The following FHL5 variants were observed in gnomAD, a reference collection of about 807,000 sequenced individuals.
The protein encoded by FHL5 is four and a half LIM domains 5.
FHL5 carries 33 observed loss-of-function variants against 32.0 expected under a neutral mutation model. That is an observed-to-expected ratio of 1.03 (90% CI 0.78 to 1.38). The LOEUF (loss-of-function observed/expected upper bound fraction) is 1.38. Among genes scored for constraint, FHL5 ranks in the 40% most tolerant of loss-of-function variants. The pLI, the probability that FHL5 is intolerant of heterozygous loss-of-function variation, is 0.00. For missense variants in FHL5, 336 were observed against 343.9 expected (o/e 0.98, Z 0.18); for synonymous variants, 114 against 113.6 (o/e 1.00, Z -0.02).
intron 1 of FHL5, among the ~76,000 whole-genome samples, chr6:96,594,073 C>G (rs538892152): frequency 8.6e-5 from 13 of 151,066 alleles, no homozygotes; most frequent in African/African-American, 3.2e-4. Context: ...CCATTGAATT[C>G]TCTATTACAA....
At position 96,568,390 on chromosome 6, in the gene FHL5, A is replaced by C. The variant is rs369270310; in HGVS notation, c.-13+5035A>C. On this transcript the variant is annotated intron_variant, in intron 1 of 5. Coordinates refer to ENST00000450218, the MANE Select transcript of FHL5 (RefSeq NM_001322466.2). ...TATTTTGTTGAGGATTTTTGCATCT[A>C]TGCTCATCATGTTCATTGGCTTATA... 1.3e-4 allele frequency among the ~76,000 whole-genome samples: 20 copies of C among 151,976 alleles called. No homozygotes were observed. In the South Asian group the frequency reaches 2.5e-3, roughly 19 times the overall value.
chr6:96,564,871 TC>T (rs1770318978), intron 1 of FHL5, among the ~76,000 whole-genome samples: 1 of 152,056 alleles, frequency 6.6e-6, no homozygotes, highest in Non-Finnish European at 1.5e-5. Context: ...CCCTGAAAGC[TC>T]ATTGAAGGAG....
intron 1 of FHL5, among the ~76,000 whole-genome samples, chr6:96,588,881 T>TAA (rs3884105): frequency 0.013 from 1,976 of 150,926 alleles, 41 homozygotes; most frequent in African/African-American, 0.043. Context: ...GCAATTCTTT[T>TAA]AAAAAAAAAG....
At chr6:96,582,804 ATTGT>A (rs532977568) in intron 1 of FHL5, among the ~76,000 whole-genome samples, 194 of 152,224 alleles carry the variant, frequency 1.3e-3, no homozygotes, top group African/African-American at 4.3e-3. Flanking sequence ...TATTTTTAAG[ATTGT>A]TTGTTGAGTT....
At chr6:96,571,037 T>A (rs1296800291) in intron 1 of FHL5, among the ~76,000 whole-genome samples, 1 of 152,232 alleles carries the variant, frequency 6.6e-6, no homozygotes, top group Non-Finnish European at 1.5e-5. Flanking sequence ...ATTATATTCC[T>A]TTGTTGGTCT....
chr6:96,587,982 G>T (rs1770832988), intron 1 of FHL5, among the ~76,000 whole-genome samples: 1 of 152,152 alleles, frequency 6.6e-6, no homozygotes, highest in African/African-American at 2.4e-5. Context: ...TCCCTTGATG[G>T]ACATTCAGAC....
At chr6:96,576,364 G>C (rs1046963540) in intron 1 of FHL5, among the ~76,000 whole-genome samples, 2 of 152,188 alleles carry the variant, frequency 1.3e-5, no homozygotes, top group Non-Finnish European at 2.9e-5. Flanking sequence ...TGTTGATCAG[G>C]AAACACAATT....
chr6:96,612,414 A>G (rs1321909257), intron 5 of FHL5, among the ~76,000 whole-genome samples: 6 of 152,216 alleles, frequency 3.9e-5, no homozygotes, highest in Non-Finnish European at 8.8e-5. Flanking sequence ...ACAACTCAAA[A>G]TAAGTTTCAA....
At chr6:96,600,833 G>A (rs1186822137) in intron 1 of FHL5, among the ~76,000 whole-genome samples, 1 of 152,154 alleles carries the variant, frequency 6.6e-6, no homozygotes, top group African/African-American at 2.4e-5. Flanking sequence ...CGAGCTATAA[G>A]ATAATCCAGA....
intron 1 of FHL5, among the ~76,000 whole-genome samples, chr6:96,575,150 G>A (rs211159): frequency 0.49 from 74,856 of 151,990 alleles, 22,159 homozygotes; most frequent in African/African-American, 0.85. Context: ...TCCGGTTAAC[G>A]AAAGTTAATA....
Position 96,603,672 on chromosome 6 carries a change from A to G in FHL5, c.59A>G (p.Tyr20Cys). ...ACAGCATCACTTCTTGGGAAGAAAT[A>G]TGTACTAAAGGATGACAGTCCATAC... Reference protein sequence around the residue: ...YCTASLLGKKYVLKDDSPYCV... With the variant: ...YCTASLLGKKCVLKDDSPYCV... The change falls in exon 2 of 6, where the codon TAT becomes TGT. Residue 20 changes from tyrosine (Y) to cysteine (C), a missense_variant. Tyr to Cys is a radical substitution (Grantham distance 194). Transcript: ENST00000450218. The G allele has an allele frequency of 6.2e-7, 1 of 1,612,962 alleles. No individual in the cohort carries two copies.
chr6:96,599,354 C>T (rs1462148079), intron 1 of FHL5, among the ~76,000 whole-genome samples: 1 of 152,016 alleles, frequency 6.6e-6, no homozygotes, highest in Non-Finnish European at 1.5e-5. Flanking sequence ...CACCACCACA[C>T]CCAGCTAATT....
intron 1 of FHL5, among the ~76,000 whole-genome samples, chr6:96,601,111 G>A (rs1049066984): frequency 1.3e-5 from 2 of 152,144 alleles, no homozygotes; most frequent in Non-Finnish European, 2.9e-5. Flanking sequence ...CGAGGTGAGC[G>A]GATCTTGAGG....
intron 1 of FHL5, among the ~76,000 whole-genome samples, chr6:96,582,772 G>A (rs1770721101): frequency 6.6e-6 from 1 of 152,024 alleles, no homozygotes; most frequent in East Asian, 1.9e-4. Flanking sequence ...TTTGATTGAT[G>A]GCCTGAAGTT....
At chr6:96,575,000 A>G (rs757168395) in intron 1 of FHL5, among the ~76,000 whole-genome samples, 8 of 152,334 alleles carry the variant, frequency 5.3e-5, no homozygotes, top group Non-Finnish European at 8.8e-5. Flanking sequence ...AACACTTAAA[A>G]TAACAAGTAA....
chr6:96,574,834 A>C (rs1770552774), intron 1 of FHL5, among the ~76,000 whole-genome samples: 1 of 152,172 alleles, frequency 6.6e-6, no homozygotes, highest in Non-Finnish European at 1.5e-5. Context: ...CTTCACTTAT[A>C]ATATTCTTCA....
Position 96,610,566 on chromosome 6 carries a change from T to A in FHL5, c.505-6T>A. The A allele has an allele frequency of 1.2e-6, 2 of 1,611,642 alleles. No homozygotes were observed. Among genetic ancestry groups the A allele is most frequent in the Non-Finnish European group, 1.7e-6 (2 of 1,178,128 alleles). On this transcript the variant is annotated splice_region_variant and splice_polypyrimidine_tract_variant and intron_variant, in intron 4 of 5. Coordinates refer to ENST00000450218, the MANE Select transcript of FHL5 (RefSeq NM_001322466.2). Reference sequence around the variant, plus strand: ...TGGTCATTGCCTTTTCTGTGGTCTTTGGCAGGTGATAACTTCAGGTGGGAT... The same window carrying A: ...TGGTCATTGCCTTTTCTGTGGTCTTAGGCAGGTGATAACTTCAGGTGGGAT...
intron 1 of FHL5, among the ~76,000 whole-genome samples, chr6:96,573,527 A>ATTTT (rs553599471): frequency 2.0e-4 from 23 of 112,408 alleles, no homozygotes; most frequent in African/African-American, 5.1e-4. Context: ...AAATATTCTA[A>ATTTT]TTTTTTTTTT....
rs753302993 is a variant in FHL5 at position 96,606,071 on chromosome 6, G to T, written c.504G>T (p.Lys168Asn). 6.2e-7 allele frequency: 1 copy of T among 1,612,690 alleles called. No individual in the cohort carries two copies. The highest frequency in any genetic ancestry group is 1.7e-5 in the Admixed American group (1 of 59,892). ...EFAHYCNFCK[K>N]VITSGGITFC... is the part of the protein sequence containing the mutation. Reference sequence around the variant, plus strand: ...CTCACTACTGCAACTTTTGTAAGAAGGTAATTTTCTAAAGAGGGTGAAGCT... The same window carrying T: ...CTCACTACTGCAACTTTTGTAAGAATGTAATTTTCTAAAGAGGGTGAAGCT... The change falls in exon 4 of 6, where the codon AAG (lysine) becomes AAT (asparagine). Residue 168 changes from lysine to asparagine, a missense_variant and splice_region_variant. Lys to Asn is a moderately conservative substitution (Grantham distance 94, BLOSUM62 0). Transcript: ENST00000450218.
Sources: allele counts gnomAD v4.1 joint callset (sites outside exome capture counted in the v4.1 genomes callset), GRCh38; gene constraint gnomAD v4.1.1; transcripts MANE v1.5; gene names NCBI Gene and HGNC (gene_info 2026-07-23, HGNC 2026-07-21).